The following GRID2 variants were observed in gnomAD, a reference collection of about 807,000 sequenced individuals.
GRID2 encodes the protein glutamate receptor ionotropic, delta-2.
GRID2 carries 33 observed loss-of-function variants against 114.8 expected under a neutral mutation model. The ratio of observed to expected loss-of-function variants is 0.29; its 90% CI spans 0.22 to 0.38. GRID2 has a LOEUF of 0.38. Ranked by LOEUF, GRID2 falls within the 10% of genes least tolerant of loss-of-function variation. The probability of loss-of-function intolerance (pLI) is 1.00; values close to 1 mark genes in which losing one functional copy is unlikely to be tolerated. For missense variants in GRID2, 1,184 were observed against 1,257.7 expected (o/e 0.94, Z 0.89); for synonymous variants, 505 against 449.9 (o/e 1.12, Z -1.55).
chr4:93,579,234 T>G (rs762256232), intron 13 of GRID2, among the ~76,000 whole-genome samples: 6 of 152,112 alleles, frequency 3.9e-5, no homozygotes, highest in Non-Finnish European at 5.9e-5. Flanking sequence ...GCTCTGAACA[T>G]TCCAAACCGT....
chr4:93,414,234 A>C (rs1767485385), intron 9 of GRID2, among the ~76,000 whole-genome samples: 1 of 152,280 alleles, frequency 6.6e-6, no homozygotes, highest in South Asian at 2.1e-4. Flanking sequence ...AAGGCTCCTA[A>C]TTGATCTCCC....
chr4:92,560,278 G>T (rs1359986893), intron 1 of GRID2, among the ~76,000 whole-genome samples: 3 of 152,140 alleles, frequency 2.0e-5, no homozygotes, highest in Admixed American at 6.6e-5. Flanking sequence ...CCTCCCATTA[G>T]AACCCCTTTC....
chr4:93,020,613 A>T (rs1392090796), intron 2 of GRID2, among the ~76,000 whole-genome samples: 1 of 152,232 alleles, frequency 6.6e-6, no homozygotes, highest in African/African-American at 2.4e-5. Context: ...AGTAATATCA[A>T]AGAAAATCTG....
intron 14 of GRID2, among the ~76,000 whole-genome samples, chr4:93,745,847 T>G (rs1731798468): frequency 6.6e-6 from 1 of 152,196 alleles, no homozygotes; most frequent in Non-Finnish European, 1.5e-5. Flanking sequence ...TTTGTTTTAT[T>G]TTGACTTTGT....
chr4:93,769,360 C>T lies in GRID2; in HGVS notation c.2511C>T (p.Ile837=), dbSNP rs2110334648. The T allele has an allele frequency of 1.9e-6, 3 of 1,613,952 alleles. No homozygotes were observed. The highest frequency in any genetic ancestry group is 2.5e-6 in the Non-Finnish European group (3 of 1,179,934). ...AGAGCTTTGCAGGGGTCTTTTGTAT[C>T]CTGGCTGCTGGAATTGTCCTCTCCT... ...DIKSFAGVFC[I]LAAGIVLSCF... Residue 837 remains isoleucine, a synonymous_variant, in exon 15 of 16, where the codon ATC becomes ATT. Coordinates refer to ENST00000282020, the MANE Select transcript of GRID2 (RefSeq NM_001510.4).
chr4:92,916,641 G>A (rs1264374978), intron 2 of GRID2, among the ~76,000 whole-genome samples: 2 of 152,006 alleles, frequency 1.3e-5, no homozygotes, highest in Non-Finnish European at 2.9e-5. Flanking sequence ...ATAGTTTGCT[G>A]AGAATGCTGG....
At chr4:92,597,833 G>A (rs919945109) in intron 2 of GRID2, among the ~76,000 whole-genome samples, 4 of 152,074 alleles carry the variant, frequency 2.6e-5, no homozygotes, top group Admixed American at 2.0e-4. Flanking sequence ...ACCTACACTC[G>A]CAGTTGTAAT....
intron 2 of GRID2, among the ~76,000 whole-genome samples, chr4:92,792,321 G>C (rs1560594633): frequency 1.3e-5 from 2 of 151,866 alleles, no homozygotes; most frequent in South Asian, 2.1e-4. Flanking sequence ...GTACGTTGCA[G>C]TTAGCTTTTG....
intron 14 of GRID2, among the ~76,000 whole-genome samples, chr4:93,741,088 T>C (rs537899925): frequency 6.7e-6 from 1 of 148,896 alleles, no homozygotes; most frequent in South Asian, 2.1e-4. Context: ...TGTCTCAATC[T>C]CATTTTGCCC....
intron 2 of GRID2, among the ~76,000 whole-genome samples, chr4:92,843,270 A>G (rs1439052409): frequency 6.6e-6 from 1 of 151,842 alleles, no homozygotes; most frequent in Non-Finnish European, 1.5e-5. Context: ...TAAAATAAAA[A>G]CAAGTCAAGA....
intron 13 of GRID2, among the ~76,000 whole-genome samples, chr4:93,517,964 TATA>T: frequency 2.8e-5 from 1 of 35,404 alleles, no homozygotes; most frequent in African/African-American, 1.3e-4. Context: ...TATGTATGTA[TATA>T]CATACATGTA....
chr4:92,816,270 G>A (rs922915468), intron 2 of GRID2, among the ~76,000 whole-genome samples: 5 of 132,728 alleles, frequency 3.8e-5, no homozygotes, highest in African/African-American at 1.4e-4. Context: ...AGCTGAAATC[G>A]CACCATTGCA....
chr4:93,034,088 A>T (rs1199127079), intron 2 of GRID2, among the ~76,000 whole-genome samples: 11 of 152,190 alleles, frequency 7.2e-5, no homozygotes. Flanking sequence ...CTGTCAAGCT[A>T]CCTACTGGGT....
intron 2 of GRID2, among the ~76,000 whole-genome samples, chr4:92,863,768 G>C (rs1578336890): frequency 1.3e-5 from 2 of 152,204 alleles, no homozygotes; most frequent in East Asian, 3.9e-4. Flanking sequence ...TTTTGCTATT[G>C]TTAGGTCACC....
intron 8 of GRID2, among the ~76,000 whole-genome samples, chr4:93,369,591 C>G (rs535640015): frequency 1.3e-5 from 2 of 152,174 alleles, no homozygotes; most frequent in African/African-American, 4.8e-5. Flanking sequence ...CAGTTTCAAG[C>G]GATCTTTCCA....
intron 2 of GRID2, among the ~76,000 whole-genome samples, chr4:92,825,697 C>T (rs953748423): frequency 4.6e-5 from 7 of 152,160 alleles, no homozygotes; most frequent in East Asian, 1.9e-4. Flanking sequence ...GAGCCACCTC[C>T]GCCCCCAACA....
intron 14 of GRID2, among the ~76,000 whole-genome samples, chr4:93,716,454 A>G (rs536419255): frequency 9.2e-4 from 140 of 152,274 alleles, no homozygotes; most frequent in Non-Finnish European, 1.8e-3. Flanking sequence ...ATAATTAAAT[A>G]TTTCAACACT....
chr4:93,418,151 CCTA>C (rs1359069573), intron 9 of GRID2, among the ~76,000 whole-genome samples: 1 of 151,730 alleles, frequency 6.6e-6, no homozygotes, highest in Non-Finnish European at 1.5e-5. Context: ...GCTATTCACT[CCTA>C]CTTCTATTTC....
chr4:92,835,537 C>T (rs1290399665), intron 2 of GRID2, among the ~76,000 whole-genome samples: 1 of 152,058 alleles, frequency 6.6e-6, no homozygotes, highest in Non-Finnish European at 1.5e-5. Flanking sequence ...TTACCTACTG[C>T]CTTCTACATC....
Sources: allele counts gnomAD v4.1 joint callset (sites outside exome capture counted in the v4.1 genomes callset), GRCh38; gene constraint gnomAD v4.1.1; transcripts MANE v1.5; gene names NCBI Gene and HGNC (gene_info 2026-07-23, HGNC 2026-07-21).